The following PXN variants were observed in gnomAD, a reference collection of about 807,000 sequenced individuals.
The protein encoded by PXN is testicular tissue protein Li 134.
A neutral mutation model predicts 103.6 loss-of-function variants in PXN; 61 were observed. The observed-to-expected ratio is 0.59, with a 90% CI of 0.48 to 0.73. The LOEUF is 0.73. Among genes scored for constraint, PXN ranks in the 30% least tolerant of loss-of-function variants. The pLI, the probability that PXN is intolerant of heterozygous loss-of-function variation, is 0.00. For synonymous variants in PXN, 562 were observed against 607.8 expected (o/e 0.92, Z 1.11); for missense variants, 1,274 against 1,460.3 (o/e 0.87, Z 2.08).
At chr12:120,263,562 T>C (rs1894210270) in intron 1 of PXN, among the ~76,000 whole-genome samples, 1 of 152,238 alleles carries the variant, frequency 6.6e-6, no homozygotes, top group South Asian at 2.1e-4. Flanking sequence ...ATTTCATGGC[T>C]GTGCAGCCTT....
At chr12:120,218,451 G>A (rs893731875) in intron 7 of PXN, among the ~76,000 whole-genome samples, 7 of 152,094 alleles carry the variant, frequency 4.6e-5, no homozygotes, top group Non-Finnish European at 8.8e-5. Flanking sequence ...TTGGCTCACC[G>A]CAACCTCTGC....
rs1484116548 is a variant in PXN, at chr12:120,215,490, A to G, written c.2403+70T>C. On this transcript the variant is annotated intron_variant, in intron 10 of 14. Transcript: ENST00000637617. The surrounding 1 kb of genome is among the most constrained non-coding windows in gnomAD (Gnocchi z 4.9). Reference sequence around the variant, plus strand: ...CACCAGGGTCGGAAAGGCTGAGGGCACCCAGCAGGCATGGCCAAGCCCAGG... The same window carrying G: ...CACCAGGGTCGGAAAGGCTGAGGGCGCCCAGCAGGCATGGCCAAGCCCAGG... 3 of 1,509,308 alleles carry G rather than the reference A, an allele frequency of 2.0e-6. No individual in the cohort carries two copies. The highest frequency in any genetic ancestry group is 2.8e-5 in the African/African-American group (2 of 71,930). 93.5% of individuals were successfully genotyped at this position (1,509,308 alleles called of 1,614,324 possible).
intron 1 of PXN, among the ~76,000 whole-genome samples, chr12:120,241,653 G>A (rs1315650997): frequency 2.0e-5 from 3 of 152,256 alleles, no homozygotes; most frequent in Admixed American, 2.0e-4. Context: ...CAGGAGGAAA[G>A]GGGAGGGGCT....
intron 2 of PXN, 60 bp from the exon 3 acceptor site, chr12:120,223,893 G>A (rs2136322226): frequency 4.5e-6 from 6 of 1,324,132 alleles, no homozygotes; most frequent in Middle Eastern, 1.8e-4. Flanking sequence ...CAGGGGCCAG[G>A]AGCAGCTCCA....
rs1372368734 is a variant in PXN, at chr12:120,222,239, C to T, written c.695+310G>A. On this transcript the variant is annotated intron_variant, in intron 5 of 14. Coordinates refer to ENST00000637617, the MANE Select transcript of PXN (RefSeq NM_001385981.1). This position sits in a 1 kb window ranked among gnomAD's most constrained non-coding sequence, Gnocchi z 4.7. ...TTGTCCCATTTTACAGATGGGAAAA[C>T]TAAGGCTTGAGAGCTGACAGTAACT... Among the ~76,000 whole-genome samples the T allele has an allele frequency of 6.6e-6, 1 of 152,232 alleles. No individual in the cohort carries two copies. Among genetic ancestry groups the T allele is most frequent in the Non-Finnish European group, 1.5e-5 (1 of 68,026 alleles).
chr12:120,250,865 G>A (rs1008372576), intron 1 of PXN, among the ~76,000 whole-genome samples: 1 of 147,362 alleles, frequency 6.8e-6, no homozygotes, highest in Non-Finnish European at 1.5e-5. Flanking sequence ...TGCCCACCAA[G>A]GCCACGGGAA....
chr12:120,214,024 T>C lies in PXN; in HGVS notation c.2831-34A>G, dbSNP rs750922909. The C allele has an allele frequency of 7.5e-6, 12 of 1,605,388 alleles. No homozygotes were observed. The highest frequency in any genetic ancestry group is 1.0e-5 in the Non-Finnish European group (12 of 1,176,570). On this transcript the variant is annotated intron_variant, in intron 13 of 14. Coordinates refer to ENST00000637617, the MANE Select transcript of PXN (RefSeq NM_001385981.1). The surrounding 1 kb of genome is among the most constrained non-coding windows in gnomAD (Gnocchi z 5.0). ...CGGGGGTTTTGGAGGCACAGTTCAT[T>C]CCGGCTTCCAGAAGTGGAGCCACTC... is the stretch of plus-strand genomic sequence containing the variant.
rs1263067474 is a variant in PXN, at chr12:120,212,238, C to T, written c.*76G>A. 21 of 1,537,448 alleles carry T rather than the reference C, an allele frequency of 1.4e-5. No homozygotes were observed. Among genetic ancestry groups the T allele is most frequent in the Admixed American group, 3.7e-5 (2 of 54,442 alleles). ...TCAGTCGGGTTTACCCCTTCACCCC[C>T]GGGTGAAGTCTCTAGGTCACAGTCG... is the stretch of plus-strand genomic sequence containing the variant. On this transcript the variant is annotated 3_prime_UTR_variant, in exon 15 of 15. Transcript: ENST00000637617. This position sits in a 1 kb window ranked among gnomAD's most constrained non-coding sequence, Gnocchi z 7.2.
chr12:120,215,530 C>A lies in PXN; in HGVS notation c.2403+30G>T. Reference sequence around the variant, plus strand: ...CCAAGCCCAGGGAGAGCACGACACGCAGGACACCCAGCCCAGCCTTGGCAC... The same window carrying A: ...CCAAGCCCAGGGAGAGCACGACACGAAGGACACCCAGCCCAGCCTTGGCAC... On this transcript the variant is annotated intron_variant, in intron 10 of 14. Transcript: ENST00000637617. This position sits in a 1 kb window ranked among gnomAD's most constrained non-coding sequence, Gnocchi z 4.9. 1 of 1,551,224 alleles carries A rather than the reference C, an allele frequency of 6.4e-7. No homozygotes were observed. Among genetic ancestry groups the A allele is most frequent in the Middle Eastern group, 1.8e-4 (1 of 5,648 alleles).
intron 1 of PXN, among the ~76,000 whole-genome samples, chr12:120,237,146 T>TGTACAC (rs1171410092): frequency 4.0e-5 from 5 of 125,460 alleles, no homozygotes; most frequent in African/African-American, 1.0e-4. Context: ...TGTGTGTGTG[T>TGTACAC]ATACACACAC....
chr12:120,247,366 C>T (rs1393699365), intron 1 of PXN: 1 of 152,288 alleles, frequency 6.6e-6, no homozygotes, highest in African/African-American at 2.4e-5. Flanking sequence ...TGCCACTAAA[C>T]TCTGGTGTGC....
intron 1 of PXN, among the ~76,000 whole-genome samples, chr12:120,264,965 TC>T (rs1473852510): frequency 6.7e-6 from 1 of 150,024 alleles, no homozygotes. Flanking sequence ...AAGTGGGGGG[TC>T]AGAAGAGCAG....
At chr12:120,264,204 G>A (rs2136755884) in intron 1 of PXN, 1 of 152,378 alleles carries the variant, frequency 6.6e-6, no homozygotes, top group Middle Eastern at 3.4e-3. Flanking sequence ...CCAAAAGGAA[G>A]CTGGAGGGAA....
In PXN at chr12:120,211,771, T is replaced by C. The variant is rs906658831; in HGVS notation, c.*543A>G. The C allele has an allele frequency of 1.6e-4, 63 of 382,320 alleles. No individual in the cohort carries two copies. The highest frequency in any genetic ancestry group is 9.4e-4 in the Admixed American group (32 of 34,064). 23.7% of individuals were successfully genotyped at this position (382,320 alleles called of 1,614,324 possible). Reference sequence around the variant, plus strand: ...CGCCAGGCCTAGGGCACTGGAAGGGTAGGAGGAGCACAGAGAACCTTCCAT... The same window carrying C: ...CGCCAGGCCTAGGGCACTGGAAGGGCAGGAGGAGCACAGAGAACCTTCCAT... On this transcript the variant is annotated 3_prime_UTR_variant, in exon 15 of 15. Coordinates refer to ENST00000637617, the MANE Select transcript of PXN (RefSeq NM_001385981.1).
chr12:120,217,196 C>T lies in PXN; in HGVS notation c.1717-80G>A. The T allele has an allele frequency of 8.4e-7, 1 of 1,186,692 alleles. No individual in the cohort carries two copies. Among genetic ancestry groups the T allele is most frequent in the African/African-American group, 1.5e-5 (1 of 64,930 alleles). 73.5% of individuals were successfully genotyped at this position (1,186,692 alleles called of 1,614,324 possible). ...CTGCTCAGGCCACACTCAGATGCCT[C>T]AGGAGAGGGAGCACAAAAGAAAACC... is the stretch of plus-strand genomic sequence containing the variant. On this transcript the variant is annotated intron_variant, in intron 7 of 14. Coordinates refer to ENST00000637617, the MANE Select transcript of PXN (RefSeq NM_001385981.1). The surrounding 1 kb of genome is among the most constrained non-coding windows in gnomAD (Gnocchi z 4.1).
intron 1 of PXN, among the ~76,000 whole-genome samples, chr12:120,237,156 C>T (rs1481482126): frequency 7.0e-6 from 1 of 142,082 alleles, no homozygotes; most frequent in Non-Finnish European, 1.5e-5. Context: ...TATACACACA[C>T]ACACACACAC....
chr12:120,212,765 G>A lies in PXN; in HGVS notation c.2980-185C>T, dbSNP rs1710609315. 19 of 622,328 alleles carry A rather than the reference G, an allele frequency of 3.1e-5. No individual in the cohort carries two copies. Among genetic ancestry groups the A allele is most frequent in the Non-Finnish European group, 4.9e-5 (19 of 390,098 alleles). The allele number at this position is 622,328 out of a possible 1,614,324, so 38.6% of individuals were successfully genotyped here. The stretch of plus-strand genomic sequence containing the variant: ...TTATTTTATTAAATAAATTTTTTTT[G>A]TAGAGATGGGGGTCTCACTATATTG... On this transcript the variant is annotated intron_variant, in intron 14 of 14. Transcript: ENST00000637617. This position sits in a 1 kb window ranked among gnomAD's most constrained non-coding sequence, Gnocchi z 7.2.
Position 120,224,732 on chromosome 12 carries a change from AGGGCAACGCGGAGAGAAT to A in PXN, c.14-373_14-356del, listed in dbSNP as rs926552721. On this transcript the variant is annotated intron_variant, in intron 1 of 14. Transcript: ENST00000637617. The surrounding 1 kb of genome is among the most constrained non-coding windows in gnomAD (Gnocchi z 5.0). ...TGCCTGTCTGGAACTCTGAATCTGC[AGGGCAACGCGGAGAGAAT>A]GGGCGGGAGGGGCCCCACGTCACAG... 3.8e-5 allele frequency: 20 copies of A among 524,826 alleles called. No individual in the cohort carries two copies. Among genetic ancestry groups the A allele is most frequent in the Non-Finnish European group, 6.2e-5 (17 of 272,046 alleles). The allele number at this position is 524,826 out of a possible 1,614,324, so 32.5% of individuals were successfully genotyped here. A position where few individuals can be genotyped will look rare whatever the true frequency, so the allele number is the denominator to read the frequency against.
intron 1 of PXN, among the ~76,000 whole-genome samples, chr12:120,244,686 A>G (rs1161359839): frequency 6.7e-6 from 1 of 148,844 alleles, no homozygotes; most frequent in Non-Finnish European, 1.5e-5. Flanking sequence ...AGCTGGGCGC[A>G]GTGGCAGACG....
Sources: allele counts gnomAD v4.1 joint callset (sites outside exome capture counted in the v4.1 genomes callset), GRCh38; gene constraint gnomAD v4.1.1; non-coding constraint Gnocchi (gnomAD v3.1); transcripts MANE v1.5; gene names NCBI Gene and HGNC (gene_info 2026-07-23, HGNC 2026-07-21).